The following ADGRL2 variants were observed in gnomAD, a reference collection of about 807,000 sequenced individuals.
ADGRL2 encodes adhesion G protein-coupled receptor L2, also known as calcium-independent alpha-latrotoxin receptor 2.
In ADGRL2, 44 loss-of-function variants were observed where a neutral mutation model predicts 157.4. That is an observed-to-expected ratio of 0.28 (90% CI 0.22 to 0.36). The LOEUF is 0.36. ADGRL2 is among the 10% of genes least tolerant of loss of function. The pLI is 1.00. For synonymous variants in ADGRL2, 585 were observed against 624.7 expected, an observed-to-expected ratio of 0.94 and a Z score of 0.95; for missense variants, 1,510 against 1,768.9, an observed-to-expected ratio of 0.85 and a Z score of 2.63.
intron 1 of ADGRL2, among the ~76,000 whole-genome samples, chr1:81,349,083 A>G (rs1406275348): frequency 1.3e-5 from 2 of 152,178 alleles, no homozygotes; most frequent in Non-Finnish European, 2.9e-5. Flanking sequence ...TTATGATTGT[A>G]TATTCATAAC....
intron 2 of ADGRL2, among the ~76,000 whole-genome samples, chr1:81,843,577 T>C: frequency 6.6e-6 from 1 of 152,190 alleles, no homozygotes; most frequent in Non-Finnish European, 1.5e-5. Context: ...TTTAAAAATA[T>C]AAATCTTAAT....
rs117927572 is a variant in ADGRL2, at chr1:81,954,382, C to A, written c.1833+1357C>A. ...GTATATGGAGTAAATTTCAGCATGA[C>A]CTTAATTTCTGACCAGTGTCATTTT... On this transcript the variant is annotated intron_variant, in intron 10 of 23. Coordinates refer to ENST00000686636, the MANE Select transcript of ADGRL2 (RefSeq NM_001366006.2). 3.3e-5 allele frequency among the ~76,000 whole-genome samples: 5 copies of A among 152,224 alleles called. No homozygotes were observed. The East Asian group carries it at 9.6e-4, about 29-fold the overall frequency.
At chr1:81,615,638 A>T (rs1570645126) in intron 3 of ADGRL2, among the ~76,000 whole-genome samples, 2 of 152,204 alleles carry the variant, frequency 1.3e-5, no homozygotes, top group East Asian at 3.9e-4. Context: ...CCAAGAACCC[A>T]CCAATTCCGG....
At chr1:81,448,262 C>T (rs943838376) in intron 2 of ADGRL2, among the ~76,000 whole-genome samples, 1 of 148,434 alleles carries the variant, frequency 6.7e-6, no homozygotes, top group African/African-American at 2.5e-5. Context: ...TCTCCTGTCT[C>T]AGCCTCCAGA....
intron 3 of ADGRL2, among the ~76,000 whole-genome samples, chr1:81,585,765 A>G (rs563821878): frequency 9.2e-5 from 14 of 152,112 alleles, no homozygotes; most frequent in Non-Finnish European, 1.6e-4. Context: ...TAATACTTCA[A>G]GCACGGTCTT....
intron 1 of ADGRL2, among the ~76,000 whole-genome samples, chr1:81,802,363 C>T (rs968777507): frequency 2.8e-4 from 42 of 152,008 alleles, no homozygotes; most frequent in Non-Finnish European, 4.4e-4. Flanking sequence ...TGTTGCTGTT[C>T]GGCTGGCCCA....
At chr1:81,496,019 T>C (rs2078722907) in intron 2 of ADGRL2, among the ~76,000 whole-genome samples, 1 of 152,114 alleles carries the variant, frequency 6.6e-6, no homozygotes, top group Admixed American at 6.6e-5. Flanking sequence ...TTATCAATAA[T>C]AAATCTCCCT....
intron 2 of ADGRL2, among the ~76,000 whole-genome samples, chr1:81,565,433 T>C (rs1162883957): frequency 6.6e-6 from 1 of 152,186 alleles, no homozygotes; most frequent in African/African-American, 2.4e-5. Flanking sequence ...CAAAGCGCTA[T>C]GAGTATCCAC....
intron 1 of ADGRL2, among the ~76,000 whole-genome samples, chr1:81,315,927 T>A: frequency 6.6e-6 from 1 of 152,150 alleles, no homozygotes; most frequent in East Asian, 1.9e-4. Context: ...GATACACATT[T>A]CACTTGGAAG....
chr1:81,774,643 A>T (rs887370548), intron 2 of ADGRL2, among the ~76,000 whole-genome samples: 1 of 152,188 alleles, frequency 6.6e-6, no homozygotes, highest in African/African-American at 2.4e-5. Flanking sequence ...ATCATGTGAC[A>T]GTGTCTTCCA....
intron 1 of ADGRL2, among the ~76,000 whole-genome samples, chr1:81,328,359 A>T (rs924611759): frequency 5.3e-5 from 8 of 152,140 alleles, no homozygotes; most frequent in African/African-American, 1.9e-4. Flanking sequence ...TTCCATCAGT[A>T]AATCATACAG....
chr1:81,969,823 A>G (rs766749440), intron 15 of ADGRL2, among the ~76,000 whole-genome samples: 1 of 152,140 alleles, frequency 6.6e-6, no homozygotes, highest in Non-Finnish European at 1.5e-5. Flanking sequence ...GCCCTTGGAT[A>G]ATTTTAAGAA....
At chr1:81,685,599 C>G (rs1570831158) in intron 3 of ADGRL2, among the ~76,000 whole-genome samples, 1 of 152,176 alleles carries the variant, frequency 6.6e-6, no homozygotes, top group Non-Finnish European at 1.5e-5. Flanking sequence ...GTCTGACTTC[C>G]TCTTTACTGA....
At chr1:81,728,609 A>G (rs11163354) in intron 1 of ADGRL2, among the ~76,000 whole-genome samples, 19,281 of 152,144 alleles carry the variant, frequency 0.13, 1,279 homozygotes, top group African/African-American at 0.16. Context: ...AAATAAACCA[A>G]CATTGGGAGA....
intron 2 of ADGRL2, among the ~76,000 whole-genome samples, chr1:81,773,391 T>C (rs2086453255): frequency 6.6e-6 from 1 of 152,214 alleles, no homozygotes; most frequent in South Asian, 2.1e-4. Flanking sequence ...ATACCTTTAA[T>C]ACCTTTTCCA....
chr1:81,985,061 G>C (rs544499192), intron 20 of ADGRL2, among the ~76,000 whole-genome samples, 198 bp from the exon 21 acceptor site: 5 of 151,970 alleles, frequency 3.3e-5, no homozygotes, highest in Admixed American at 3.3e-4. Context: ...TTTAAGAGTG[G>C]AGGATTAAAT....
At chr1:81,396,984 C>T (rs1028581714) in intron 1 of ADGRL2, among the ~76,000 whole-genome samples, 3 of 152,104 alleles carry the variant, frequency 2.0e-5, no homozygotes, top group Admixed American at 2.0e-4. Flanking sequence ...GTAATGTTAG[C>T]CTCATACAGT....
chr1:81,677,162 T>C (rs1327343377), intron 3 of ADGRL2, among the ~76,000 whole-genome samples: 1 of 151,806 alleles, frequency 6.6e-6, no homozygotes, highest in Non-Finnish European at 1.5e-5. Flanking sequence ...ATTTTGTATT[T>C]TTAGTAGAGA....
upstream of ADGRL2, among the ~76,000 whole-genome samples, chr1:81,699,223 A>G (rs182177067): frequency 2.3e-3 from 350 of 152,326 alleles, 2 homozygotes; most frequent in African/African-American, 8.0e-3. Flanking sequence ...ATAAAGCTAT[A>G]TTTTTAAGAC....
Sources: allele counts gnomAD v4.1 joint callset (sites outside exome capture counted in the v4.1 genomes callset), GRCh38; gene constraint gnomAD v4.1.1; transcripts MANE v1.5; gene names NCBI Gene and HGNC (gene_info 2026-07-23, HGNC 2026-07-21).